The following NRG1 variants were observed in gnomAD, a reference collection of about 807,000 sequenced individuals.
NRG1 encodes the protein neuregulin 1.
Under a neutral mutation model 63.8 loss-of-function variants are expected in NRG1, and 18 were observed. That is an observed-to-expected ratio of 0.28 (90% CI 0.19 to 0.42). The LOEUF (loss-of-function observed/expected upper bound fraction) is 0.42, where lower values mean the gene tolerates loss of function less well. NRG1 is among the 10% of genes least tolerant of loss of function. NRG1 has a pLI of 1.00. For missense variants in NRG1, 762 were observed against 814.7 expected, an observed-to-expected ratio of 0.94 and a Z score of 0.79; for synonymous variants, 302 against 301.3, an observed-to-expected ratio of 1.00 and a Z score of -0.02.
At chr8:32,219,797 T>C (rs1164605611) in intron 1 of NRG1, among the ~76,000 whole-genome samples, 1 of 152,230 alleles carries the variant, frequency 6.6e-6, no homozygotes, top group Non-Finnish European at 1.5e-5. Context: ...GGTGTTCTAG[T>C]AGTCAAAGCC....
At chr8:32,153,505 A>G (rs564883043) in intron 1 of NRG1, among the ~76,000 whole-genome samples, 1 of 152,340 alleles carries the variant, frequency 6.6e-6, no homozygotes, top group Non-Finnish European at 1.5e-5. Context: ...AATTATTGGT[A>G]TGCAAAGAAA....
At chr8:32,059,119 C>G (rs1352429473) in intron 1 of NRG1, among the ~76,000 whole-genome samples, 2 of 151,952 alleles carry the variant, frequency 1.3e-5, no homozygotes, top group Admixed American at 6.6e-5. Context: ...AGAAAAGATT[C>G]CTAGCATTTG....
chr8:32,258,661 T>A (rs569957873), intron 1 of NRG1, among the ~76,000 whole-genome samples: 2 of 152,124 alleles, frequency 1.3e-5, no homozygotes, highest in Non-Finnish European at 2.9e-5. Flanking sequence ...CAAACACTTA[T>A]AAAACCATCA....
chr8:31,765,015 C>G (rs1247833188), intron 1 of NRG1, among the ~76,000 whole-genome samples: 3 of 151,212 alleles, frequency 2.0e-5, no homozygotes, highest in South Asian at 4.2e-4. Flanking sequence ...TTTATTTCAT[C>G]AGTGTTTTAT....
chr8:32,629,463 G>A (rs1211502975), intron 5 of NRG1, among the ~76,000 whole-genome samples: 1 of 152,174 alleles, frequency 6.6e-6, no homozygotes, highest in African/African-American at 2.4e-5. Flanking sequence ...AATATCAACA[G>A]TGAGTTAATG....
chr8:32,339,422 AG>A (rs1262249967), intron 1 of NRG1, among the ~76,000 whole-genome samples: 4 of 152,210 alleles, frequency 2.6e-5, no homozygotes, highest in Non-Finnish European at 5.9e-5. Flanking sequence ...TTTTAAATAT[AG>A]TAGTGTGGAC....
chr8:31,810,713 T>G (rs1183960323), intron 1 of NRG1, among the ~76,000 whole-genome samples: 2 of 152,220 alleles, frequency 1.3e-5, no homozygotes, highest in African/African-American at 4.8e-5. Context: ...CTTAATAACA[T>G]GTAACGCTGC....
chr8:32,273,037 G>A (rs1195309880), intron 1 of NRG1, among the ~76,000 whole-genome samples: 2 of 152,108 alleles, frequency 1.3e-5, no homozygotes, highest in South Asian at 2.1e-4. Context: ...GGCTGAATTT[G>A]TATTCATTTC....
chr8:32,088,652 G>A (rs1161669773), intron 1 of NRG1, among the ~76,000 whole-genome samples: 1 of 151,764 alleles, frequency 6.6e-6, no homozygotes, highest in Admixed American at 6.6e-5. Flanking sequence ...TGAGTACCTG[G>A]GACTACAGGT....
At chr8:32,476,004 G>A (rs764017911) in intron 1 of NRG1, among the ~76,000 whole-genome samples, 9 of 152,094 alleles carry the variant, frequency 5.9e-5, no homozygotes, top group African/African-American at 1.9e-4. Context: ...CTATCTTGCC[G>A]AAGAGTAGTA....
intron 1 of NRG1, among the ~76,000 whole-genome samples, chr8:32,124,356 C>G (rs1218553948): frequency 1.3e-5 from 2 of 151,790 alleles, no homozygotes; most frequent in Admixed American, 1.3e-4. Flanking sequence ...AGAAGATTCT[C>G]CAAGCCTGAC....
intron 1 of NRG1, among the ~76,000 whole-genome samples, chr8:32,030,106 GAAT>G (rs1250521148): frequency 6.6e-6 from 1 of 152,036 alleles, no homozygotes; most frequent in African/African-American, 2.4e-5. Context: ...TATACTGTTT[GAAT>G]AATAAATATA....
intron 1 of NRG1, among the ~76,000 whole-genome samples, chr8:32,222,182 T>C (rs1363713736): frequency 6.6e-6 from 1 of 152,134 alleles, no homozygotes. Flanking sequence ...CAAAGGCTGA[T>C]ACTACTTCAT....
intron 1 of NRG1, among the ~76,000 whole-genome samples, chr8:32,246,745 C>T (rs1181638137): frequency 2.0e-5 from 3 of 151,978 alleles, no homozygotes; most frequent in African/African-American, 2.4e-5. Context: ...AGTATGTTCT[C>T]ACTTACATGA....
Position 31,711,140 on chromosome 8 carries a change from G to A in NRG1, c.37+71709G>A, listed in dbSNP as rs541418013. ...TTCCTAATTTCTTTTCCCCTCCTTC[G>A]CATTTTTAAAAATTTTACCAGTTCT... On this transcript the variant is annotated intron_variant, in intron 1 of 10. Transcript: ENST00000519301. Among the ~76,000 whole-genome samples the A allele has an allele frequency of 9.2e-5, 14 of 151,714 alleles. No homozygotes were observed. In the South Asian group the frequency reaches 1.0e-3, roughly 11 times the overall value.
intron 1 of NRG1, among the ~76,000 whole-genome samples, chr8:31,923,063 G>A (rs151122956): frequency 2.0e-5 from 3 of 147,794 alleles, no homozygotes; most frequent in Non-Finnish European, 4.5e-5. Flanking sequence ...TGAGATGAGA[G>A]GCTTCTTGAT....
In NRG1 at chr8:31,794,465, G is replaced by T. The variant is rs139436551; in HGVS notation, c.37+155034G>T. On this transcript the variant is annotated intron_variant, in intron 1 of 10. Coordinates refer to the NRG1 transcript ENST00000519301. ...AAGGAATTTGTAATCTAGTATGAGG[G>T]AAACTGTGTAAATAAATATCCAATC... is the stretch of plus-strand genomic sequence containing the variant. 6.6e-5 allele frequency among the ~76,000 whole-genome samples: 10 copies of T among 150,654 alleles called. No individual in the cohort carries two copies. The East Asian group carries it at 1.2e-3, about 18-fold the overall frequency.
At chr8:32,078,798 A>G (rs766760974) in intron 1 of NRG1, among the ~76,000 whole-genome samples, 49 of 152,086 alleles carry the variant, frequency 3.2e-4, no homozygotes, top group Non-Finnish European at 4.6e-4. Flanking sequence ...GTTTAGTTCC[A>G]TGAATTGTAC....
At chr8:31,708,322 G>A (rs1017993385) in intron 1 of NRG1, among the ~76,000 whole-genome samples, 29 of 152,214 alleles carry the variant, frequency 1.9e-4, no homozygotes, top group South Asian at 4.1e-4. Context: ...GGACAACAAG[G>A]CCTTCAGGGA....
Sources: gnomAD v4.1 joint callset for allele counts (sites outside exome capture counted in the v4.1 genomes callset) on GRCh38, gnomAD v4.1.1 for gene constraint, MANE v1.5 for transcripts, NCBI Gene and HGNC (gene_info 2026-07-23, HGNC 2026-07-21) for gene names.